MELK: variants seen among roughly 807,000 people sequenced by gnomAD.
The protein encoded by MELK is maternal embryonic leucine zipper kinase.
In MELK, 81 loss-of-function variants were observed where a neutral mutation model predicts 85.0. The ratio of observed to expected loss-of-function variants is 0.95; its 90% CI spans 0.80 to 1.15. The LOEUF (loss-of-function observed/expected upper bound fraction) is 1.15. Among genes scored for constraint, MELK ranks in the 50% most tolerant of loss-of-function variants. MELK has a pLI of 0.00. For missense variants in MELK, 754 were observed against 777.5 expected, an observed-to-expected ratio of 0.97 and a Z score of 0.36; for synonymous variants, 252 against 265.0, an observed-to-expected ratio of 0.95 and a Z score of 0.48.
chr9:36,667,129 A>G (rs1832452204), intron 14 of MELK, among the ~76,000 whole-genome samples: 1 of 151,176 alleles, frequency 6.6e-6, no homozygotes, highest in African/African-American at 2.4e-5. Context: ...AGCTCATTCA[A>G]CGATCTTTTT....
chr9:36,600,373 C>T (rs926489998), intron 7 of MELK, among the ~76,000 whole-genome samples: 5 of 151,022 alleles, frequency 3.3e-5, no homozygotes, highest in African/African-American at 1.2e-4. Flanking sequence ...AGCCACTGCG[C>T]CCAGCCTCCA....
In MELK at chr9:36,597,243, TATC is replaced by T. The variant is rs775354483; in HGVS notation, c.430_432del (p.His144del). 3 of 1,613,842 alleles carry T rather than the reference TATC, an allele frequency of 1.9e-6. No homozygotes were observed. In the East Asian group the frequency reaches 6.7e-5, roughly 36 times the overall value. ...CCAGGAAAATTTGCTGTTTGATGAA[TATC>T]ATAAATTAAAGCTGATTGACTTTGG... On this transcript the variant is annotated inframe_deletion, in exon 6 of 18. Transcript: ENST00000298048.
intron 2 of MELK, among the ~76,000 whole-genome samples, chr9:36,582,975 G>GTTT (rs769350661): frequency 1.4e-5 from 2 of 142,900 alleles, no homozygotes; most frequent in Non-Finnish European, 3.1e-5. Flanking sequence ...TATCTTCAAA[G>GTTT]TTTTTTTTTT....
intron 11 of MELK, among the ~76,000 whole-genome samples, chr9:36,645,049 A>T (rs188563852): frequency 6.6e-6 from 1 of 152,052 alleles, no homozygotes; most frequent in East Asian, 1.9e-4. Context: ...CGGGCGGATC[A>T]TGAGGTCAGG....
chr9:36,625,223 C>A (rs1397041078), intron 8 of MELK, among the ~76,000 whole-genome samples: 1 of 152,106 alleles, frequency 6.6e-6, no homozygotes, highest in African/African-American at 2.4e-5. Flanking sequence ...AGCTCACGGC[C>A]TTTTGATCAG....
rs1467606216 is a variant in MELK, at chr9:36,666,486, G to T, written c.1408+905G>T. Among the ~76,000 whole-genome samples, 3 of 152,268 alleles carry T rather than the reference G, an allele frequency of 2.0e-5. No individual in the cohort carries two copies. The East Asian group carries it at 5.8e-4, about 29-fold the overall frequency. ...ATGAATTAATAAATTAGAGCCCAAA[G>T]GAATTTTATTTACAGTGATCCTGTT... On this transcript the variant is annotated intron_variant, in intron 14 of 17. Coordinates refer to ENST00000298048, the MANE Select transcript of MELK (RefSeq NM_014791.4).
In MELK at chr9:36,606,733, A is replaced by C. The variant is rs1002040014; in HGVS notation, c.568-842A>C. 36 of 147,976 alleles carry C rather than the reference A, an allele frequency of 2.4e-4. 2 individuals are homozygous for C. Among genetic ancestry groups the C allele is most frequent in the Admixed American group, 2.4e-3 (35 of 14,684 alleles). The allele number at this position is 147,976 out of a possible 1,614,324, so 9.2% of individuals were successfully genotyped here. A position where few individuals can be genotyped will look rare whatever the true frequency, so the allele number is the denominator to read the frequency against. Reference sequence around the variant, plus strand: ...TATGGACATGCATGCATATATATGTACATATATACATATATAATATATATA... The same window carrying C: ...TATGGACATGCATGCATATATATGTCCATATATACATATATAATATATATA... On this transcript the variant is annotated intron_variant, in intron 7 of 17. Coordinates refer to ENST00000298048, the MANE Select transcript of MELK (RefSeq NM_014791.4).
intron 14 of MELK, among the ~76,000 whole-genome samples, chr9:36,667,285 A>G (rs1008488108): frequency 9.9e-5 from 15 of 151,626 alleles, no homozygotes; most frequent in Non-Finnish European, 1.3e-4. Flanking sequence ...CCTCCCTAGT[A>G]GCTGGGATTA....
At chr9:36,637,087 C>T (rs1204348733) in intron 10 of MELK, among the ~76,000 whole-genome samples, 1 of 151,278 alleles carries the variant, frequency 6.6e-6, no homozygotes, top group Non-Finnish European at 1.5e-5. Context: ...CTGCCTCGGC[C>T]TCCCAAAGTG....
At chr9:36,595,735 A>G (rs1824154477) in intron 5 of MELK, among the ~76,000 whole-genome samples, 1 of 151,274 alleles carries the variant, frequency 6.6e-6, no homozygotes, top group Non-Finnish European at 1.5e-5. Context: ...CCTCCCAAGT[A>G]GCTGGGACTA....
intron 11 of MELK, among the ~76,000 whole-genome samples, chr9:36,643,944 A>AAG (rs1564198678): frequency 6.6e-6 from 1 of 151,912 alleles, no homozygotes; most frequent in Non-Finnish European, 1.5e-5. Context: ...AAAAAAAAAA[A>AAG]AAAAAGAAAA....
chr9:36,666,198 A>G (rs764934846), intron 14 of MELK, among the ~76,000 whole-genome samples: 5 of 152,154 alleles, frequency 3.3e-5, no homozygotes, highest in Non-Finnish European at 7.3e-5. Context: ...TTCCTTTATG[A>G]TACTTCACTG....
At chr9:36,589,985 C>T (rs894385488) in intron 4 of MELK, among the ~76,000 whole-genome samples, 2 of 147,574 alleles carry the variant, frequency 1.4e-5, no homozygotes, top group African/African-American at 5.1e-5. Flanking sequence ...GCAGTGATGC[C>T]ATCTCTGCTC....
intron 3 of MELK, 73 bp downstream of exon 3, chr9:36,583,785 A>ATG: frequency 9.6e-7 from 1 of 1,041,356 alleles, no homozygotes; most frequent in Non-Finnish European, 1.5e-6. Context: ...AATTGTTCTA[A>ATG]TGTTCTAGTT....
At chr9:36,674,692 G>T (rs952878832) in intron 16 of MELK, 142 bp from the exon 17 acceptor site, 7 of 476,480 alleles carry the variant, frequency 1.5e-5, no homozygotes, top group African/African-American at 1.2e-4. Flanking sequence ...AGAGTTGACT[G>T]TAAATTCCTT....
intron 7 of MELK, 133 bp downstream of exon 7, chr9:36,599,619 A>G (rs1336865866): frequency 7.0e-6 from 4 of 573,012 alleles, no homozygotes; most frequent in East Asian, 5.8e-5. Flanking sequence ...AGTTCAGTCT[A>G]TTTGGAGAGT....
chr9:36,607,902 C>T (rs1027632970), intron 8 of MELK, among the ~76,000 whole-genome samples: 2 of 152,148 alleles, frequency 1.3e-5, no homozygotes, highest in African/African-American at 2.4e-5. Flanking sequence ...AGCAGTTTTG[C>T]TTTCTGCGGT....
chr9:36,662,864 G>C (rs4242702), intron 13 of MELK, among the ~76,000 whole-genome samples: 1 of 151,902 alleles, frequency 6.6e-6, no homozygotes, highest in South Asian at 2.1e-4. Flanking sequence ...GGGCTACTGC[G>C]TTGCACACCT....
intron 9 of MELK, among the ~76,000 whole-genome samples, chr9:36,630,636 C>G (rs1828466703): frequency 6.6e-6 from 1 of 151,640 alleles, no homozygotes; most frequent in East Asian, 1.9e-4. Context: ...TCTTTTATTC[C>G]AAAATTATTG....
Sources: gnomAD v4.1 joint callset for allele counts (sites outside exome capture counted in the v4.1 genomes callset) on GRCh38, gnomAD v4.1.1 for gene constraint, MANE v1.5 for transcripts, NCBI Gene and HGNC (gene_info 2026-07-23, HGNC 2026-07-21) for gene names.